MED4: variants seen among roughly 807,000 people sequenced by gnomAD.
The protein encoded by MED4 is mediator of RNA polymerase II transcription subunit 4.
MED4 carries 21 observed loss-of-function variants against 35.0 expected under a neutral mutation model. That is an observed-to-expected ratio of 0.60 (90% CI 0.43 to 0.86). The LOEUF (loss-of-function observed/expected upper bound fraction) is 0.86. MED4 is among the 40% of genes least tolerant of loss of function. The pLI, the probability that MED4 is intolerant of heterozygous loss-of-function variation, is 0.00. For synonymous variants in MED4, 138 were observed against 114.0 expected (o/e 1.21, Z -1.34); for missense variants, 300 against 319.4 (o/e 0.94, Z 0.46).
At chr13:48,092,271 CT>C (rs1950895069) in intron 1 of MED4, among the ~76,000 whole-genome samples, 1 of 151,198 alleles carries the variant, frequency 6.6e-6, no homozygotes, top group South Asian at 2.1e-4. Context: ...CCACGCCCGG[CT>C]AATTTTGTAT....
intron 6 of MED4, 170 bp downstream of exon 6, chr13:48,079,674 G>C (rs1195701756): frequency 6.0e-6 from 4 of 662,628 alleles, no homozygotes; most frequent in African/African-American, 3.7e-5. Flanking sequence ...TGGGAGCCAA[G>C]ATTTCGCCAA....
chr13:48,090,242 T>C, intron 2 of MED4, 110 bp downstream of exon 2: 1 of 823,250 alleles, frequency 1.2e-6, no homozygotes, highest in South Asian at 1.8e-5. Flanking sequence ...GATCCAACAT[T>C]CCTGTTCCCA....
chr13:48,082,826 CA>C (rs66859292), intron 4 of MED4, among the ~76,000 whole-genome samples: 68,031 of 135,924 alleles, frequency 0.5, 17,146 homozygotes, highest in African/African-American at 0.71. Flanking sequence ...GACTCCGTCT[CA>C]AAAAAAAAAA....
chr13:48,081,753 A>G, intron 4 of MED4, 22 bp from the exon 5 acceptor site: 1 of 1,495,322 alleles, frequency 6.7e-7, no homozygotes, highest in South Asian at 1.2e-5. Context: ...TTAAGAGGAC[A>G]GTATAACCTG....
chr13:48,089,486 C>T (rs1950875241), intron 2 of MED4, among the ~76,000 whole-genome samples: 1 of 152,234 alleles, frequency 6.6e-6, no homozygotes, highest in African/African-American at 2.4e-5. Context: ...AGTCCCAGCA[C>T]TTTGGTAGGC....
chr13:48,080,495 TTTC>T (rs1950799622), intron 5 of MED4, among the ~76,000 whole-genome samples: 2 of 151,886 alleles, frequency 1.3e-5, no homozygotes, highest in African/African-American at 4.8e-5. Context: ...CGCATTTTAA[TTTC>T]TTTTCTGAAT....
rs56225303 is a variant in MED4 at position 48,085,170 on chromosome 13, A to ATT, written c.363+1110_363+1111dup. Among the ~76,000 whole-genome samples, 1,321 of 139,202 alleles carry ATT rather than the reference A, an allele frequency of 9.5e-3. 22 individuals carry two copies. The highest frequency in any genetic ancestry group is 0.026 in the African/African-American group (870 of 33,444). The allele number at this position is 139,202 out of a possible 152,430, so 91.3% of individuals were successfully genotyped here. ...AAGTGTGAGCCACTGTGCCCAGCTA[A>ATT]TTTTTTTTTTTTTTTTTTTTTTTGA... On this transcript the variant is annotated intron_variant, in intron 3 of 6. Transcript: ENST00000258648.
intron 1 of MED4, among the ~76,000 whole-genome samples, chr13:48,090,859 G>A (rs1296498702): frequency 1.3e-5 from 2 of 152,116 alleles, no homozygotes; most frequent in Non-Finnish European, 1.5e-5. Context: ...CATACATCAG[G>A]GGTCTACAGG....
At chr13:48,079,725 T>C (rs1436832148) in intron 6 of MED4, 119 bp downstream of exon 6, 5 of 1,276,880 alleles carry the variant, frequency 3.9e-6, no homozygotes, top group Non-Finnish European at 4.3e-6. Context: ...TGTCTCAAAT[T>C]TACAAAAAAA....
chr13:48,084,070 G>A (rs747357922), intron 3 of MED4, among the ~76,000 whole-genome samples: 20 of 152,060 alleles, frequency 1.3e-4, no homozygotes, highest in Non-Finnish European at 2.4e-4. Context: ...AGACCAGCCT[G>A]ACCAACACGG....
chr13:48,080,388 CCCT>C (rs1950796974), intron 5 of MED4, among the ~76,000 whole-genome samples: 1 of 130,018 alleles, frequency 7.7e-6, no homozygotes, highest in South Asian at 2.6e-4. Context: ...CAGAGCAAGA[CCCT>C]GTCTCAAAAA....
chr13:48,085,837 A>C (rs530699396), intron 3 of MED4, among the ~76,000 whole-genome samples: 1 of 152,270 alleles, frequency 6.6e-6, no homozygotes, highest in African/African-American at 2.4e-5. Flanking sequence ...TGAATGACTA[A>C]ATTAATGTCA....
At chr13:48,083,302 C>T (rs1566118387) in intron 4 of MED4, 69 bp downstream of exon 4, 7 of 1,209,090 alleles carry the variant, frequency 5.8e-6, no homozygotes, top group Non-Finnish European at 6.0e-6. Flanking sequence ...CAGTAATATC[C>T]TCTTGTATTG....
At chr13:48,077,399 A>AT (rs902230985) in intron 6 of MED4, 88 bp from the exon 7 acceptor site, 39 of 1,111,264 alleles carry the variant, frequency 3.5e-5, no homozygotes, top group South Asian at 2.3e-4. Context: ...AATTTGAAGT[A>AT]TTTTTTTTAA....
chr13:48,078,803 T>C (rs757147094), intron 6 of MED4, among the ~76,000 whole-genome samples: 14 of 152,108 alleles, frequency 9.2e-5, no homozygotes, highest in Non-Finnish European at 1.9e-4. Context: ...ACAGTTGAGT[T>C]CCCCTGGTTG....
At chr13:48,091,882 A>G (rs960991620) in intron 1 of MED4, among the ~76,000 whole-genome samples, 1 of 152,196 alleles carries the variant, frequency 6.6e-6, no homozygotes, top group Non-Finnish European at 1.5e-5. Context: ...CAGCTTTGAC[A>G]TAAGACACGG....
Position 48,084,195 on chromosome 13 carries a change from G to A in MED4, c.364-767C>T, listed in dbSNP as rs200941653. Among the ~76,000 whole-genome samples, 9 of 150,824 alleles carry A rather than the reference G, an allele frequency of 6.0e-5. No homozygotes were observed. The East Asian group carries it at 1.8e-3, about 30-fold the overall frequency. ...GAATCGCTTGAACCCAGGAGGCAGA[G>A]GTTGCAGTGAGCCAAGACTGTGCCA... On this transcript the variant is annotated intron_variant, in intron 3 of 6. Transcript: ENST00000258648.
chr13:48,094,841 C>T, intron 1 of MED4, 113 bp downstream of exon 1: 1 of 1,467,940 alleles, frequency 6.8e-7, no homozygotes, highest in South Asian at 1.2e-5. Flanking sequence ...CCGAAACTCC[C>T]GAGCTGGCCC....
Position 48,090,378 on chromosome 13 carries a change from A to G in MED4, c.166T>C (p.Leu56=). 1.3e-6 allele frequency: 2 copies of G among 1,597,314 alleles called. No individual in the cohort carries two copies. The highest frequency in any genetic ancestry group is 1.8e-5 in the Admixed American group (1 of 56,668). ...TGGTTTTCCTCTCCAGCCTGTAACAACTTTTGGTTTCTTGAAATTGCCAGC... is the reference window on the plus strand; with the variant it reads ...TGGTTTTCCTCTCCAGCCTGTAACAGCTTTTGGTTTCTTGAAATTGCCAGC... ...EMLAISRNQK[L]LQAGEENQVL... The change falls in exon 2 of 7, where the codon TTG becomes CTG. Residue 56 remains leucine (L), a synonymous_variant. Transcript: ENST00000258648.
Sources: gnomAD v4.1 joint callset for allele counts (sites outside exome capture counted in the v4.1 genomes callset) on GRCh38, gnomAD v4.1.1 for gene constraint, MANE v1.5 for transcripts, NCBI Gene and HGNC (gene_info 2026-07-23, HGNC 2026-07-21) for gene names.